Variants in TCTN2 observed in about 807,000 individuals in gnomAD.
TCTN2 encodes the protein tectonic-2.
A neutral mutation model predicts 83.4 loss-of-function variants in TCTN2; 66 were observed. The observed-to-expected ratio is 0.79, with a 90% confidence interval of 0.65 to 0.97. The LOEUF (loss-of-function observed/expected upper bound fraction) is 0.97. Among genes scored for constraint, TCTN2 ranks in the 50% least tolerant of loss-of-function variants. The pLI is 0.00. For missense variants in TCTN2, 794 were observed against 858.1 expected (o/e 0.93, Z 0.93); for synonymous variants, 301 against 326.7 (o/e 0.92, Z 0.85).
chr12:123,683,871 C>T (rs745430953), intron 5 of TCTN2, among the ~76,000 whole-genome samples: 1 of 152,130 alleles, frequency 6.6e-6, no homozygotes, highest in Non-Finnish European at 1.5e-5. Context: ...GATCTCCTGA[C>T]CTCGTGATCC....
intron 5 of TCTN2, among the ~76,000 whole-genome samples, chr12:123,684,399 CTTTTTTTTTTT>C (rs528065302): frequency 1.6e-5 from 2 of 127,808 alleles, no homozygotes; most frequent in African/African-American, 5.8e-5. Flanking sequence ...TATTGTCATT[CTTTTTTTTTTT>C]TTTTTTTTAA....
Position 123,697,153 on chromosome 12 carries a change from G to A in TCTN2, c.1460G>A (p.Gly487Glu). Residue 487 changes from glycine to glutamate, a missense_variant, in exon 13 of 18, where the codon GGA (glycine) becomes GAA (glutamate). Gly to Glu is a moderately conservative substitution (Grantham distance 98, BLOSUM62 -2). Coordinates refer to ENST00000303372, the MANE Select transcript of TCTN2 (RefSeq NM_024809.5). Reference protein sequence around the residue: ...PILFGENVLSGCLLEVGINEN... With the variant: ...PILFGENVLSECLLEVGINEN... The stretch of plus-strand genomic sequence containing the variant: ...TTATTTGGAGAAAATGTACTCTCTG[G>A]ATGCCTGTTAGAAGTCGGGATTAAT... 1 of 1,614,066 alleles carries A rather than the reference G, an allele frequency of 6.2e-7. No individual in the cohort carries two copies. Among genetic ancestry groups the A allele is most frequent in the Non-Finnish European group, 8.5e-7 (1 of 1,179,978 alleles).
At chr12:123,706,651 C>T (rs1956232825) in intron 15 of TCTN2, 75 bp from the exon 16 acceptor site, 1 of 1,607,304 alleles carries the variant, frequency 6.2e-7, no homozygotes, top group African/African-American at 1.3e-5. Context: ...ATTGTGATTG[C>T]ATCCGTTACC....
At chr12:123,696,186 T>TA (rs1956106198) in intron 11 of TCTN2, 2 of 513,618 alleles carry the variant, frequency 3.9e-6, no homozygotes, top group Admixed American at 3.3e-5. Context: ...TTTTTTTTTT[T>TA]ACATAGTCTG....
intron 9 of TCTN2, among the ~76,000 whole-genome samples, chr12:123,693,468 T>TTTC (rs1566256470): frequency 7.0e-6 from 1 of 141,904 alleles, no homozygotes. Flanking sequence ...TTTTTTTTTT[T>TTTC]TTGAGATGGA....
chr12:123,695,337 A>G (rs1956095043), intron 11 of TCTN2, 40 bp downstream of exon 11: 3 of 1,371,740 alleles, frequency 2.2e-6, no homozygotes, highest in Non-Finnish European at 2.1e-6. Context: ...TTACAAACAT[A>G]CTTTAGTTCA....
chr12:123,704,641 C>A lies in TCTN2; in HGVS notation c.1722C>A (p.Gly574=), dbSNP rs557018110. Residue 574 remains glycine (G), a synonymous_variant, in exon 15 of 18, where the codon GGC becomes GGA. Coordinates refer to ENST00000303372, the MANE Select transcript of TCTN2 (RefSeq NM_024809.5). Reference sequence around the variant, plus strand: ...TCCGCATCCTCATCTCGGATGCTGGCGCGGTGGAAGGGATTACTCAGCAGG... The same window carrying A: ...TCCGCATCCTCATCTCGGATGCTGGAGCGGTGGAAGGGATTACTCAGCAGG... The part of the protein sequence containing the change: ...LSIRILISDA[G]AVEGITQQEI... 2.5e-6 allele frequency: 4 copies of A among 1,612,658 alleles called. No individual in the cohort carries two copies. The highest frequency in any genetic ancestry group is 3.4e-6 in the Non-Finnish European group (4 of 1,179,808).
intron 17 of TCTN2, chr12:123,707,376 A>G: frequency 1.6e-6 from 1 of 631,724 alleles, no homozygotes. Context: ...CCTTTGGAGT[A>G]GCTGGGATTA....
intron 8 of TCTN2, among the ~76,000 whole-genome samples, chr12:123,691,169 A>G (rs1956036481): frequency 6.6e-6 from 1 of 152,188 alleles, no homozygotes; most frequent in South Asian, 2.1e-4. Context: ...GCGTCCCACC[A>G]GAATTAACCC....
intron 4 of TCTN2, among the ~76,000 whole-genome samples, chr12:123,676,566 TAAAAAAAAA>T (rs60100973): frequency 1.8e-4 from 11 of 60,698 alleles, no homozygotes; most frequent in African/African-American, 2.5e-4. Context: ...AGACTCCATC[TAAAAAAAAA>T]AAAAAAAAAA....
chr12:123,688,883 A>G (rs1224009045), intron 7 of TCTN2, among the ~76,000 whole-genome samples: 1 of 151,870 alleles, frequency 6.6e-6, no homozygotes, highest in Non-Finnish European at 1.5e-5. Context: ...AGCTTTCCCA[A>G]GTAGCTGGGA....
rs765238420 is a variant in TCTN2, at chr12:123,706,828, A to G, written c.1872A>G (p.Ala624=). 5.0e-6 allele frequency: 8 copies of G among 1,614,032 alleles called. No individual in the cohort carries two copies. In the East Asian group the frequency reaches 8.9e-5, roughly 18 times the overall value. ...SASVQFIKIP[A]QLPHPLTRFQ... Reference sequence around the variant, plus strand: ...CCGTCCAGTTTATTAAAATTCCTGCACAGTTACCCCACCCCCTGACAAGGT... The same window carrying G: ...CCGTCCAGTTTATTAAAATTCCTGCGCAGTTACCCCACCCCCTGACAAGGT... Residue 624 remains alanine (A), a synonymous_variant, in exon 16 of 18, where the codon GCA becomes GCG. Coordinates refer to ENST00000303372, the MANE Select transcript of TCTN2 (RefSeq NM_024809.5).
chr12:123,698,551 C>T (rs1662081310), intron 13 of TCTN2, among the ~76,000 whole-genome samples: 1 of 152,034 alleles, frequency 6.6e-6, no homozygotes, highest in South Asian at 2.1e-4. Context: ...GATCCTCCCA[C>T]TTCACCCTCC....
chr12:123,674,832 T>TG, intron 4 of TCTN2, among the ~76,000 whole-genome samples: 1 of 152,300 alleles, frequency 6.6e-6, no homozygotes, highest in African/African-American at 2.4e-5. Context: ...TTGAGGCTGA[T>TG]GAAGTTTACA....
At position 123,671,226 on chromosome 12, in the gene TCTN2, C is replaced by T. The variant is rs575728856; in HGVS notation, c.-15C>T. On this transcript the variant is annotated 5_prime_UTR_variant, in exon 1 of 18. Transcript: ENST00000303372. ...GGGCGCGGTTCTGCTGTGCCCGGCC[C>T]GCGAGGTCTAAGGCATGGGCTTCCA... The T allele has an allele frequency of 3.4e-5, 55 of 1,610,070 alleles. No individual in the cohort carries two copies. The East Asian group carries it at 1.1e-3, about 33-fold the overall frequency.
At chr12:123,698,130 C>T (rs1956132163) in intron 13 of TCTN2, among the ~76,000 whole-genome samples, 1 of 152,050 alleles carries the variant, frequency 6.6e-6, no homozygotes, top group Non-Finnish European at 1.5e-5. Flanking sequence ...GCAGCCTCTG[C>T]CTCCCAGGTT....
chr12:123,704,404 C>T, intron 14 of TCTN2, 128 bp from the exon 15 acceptor site: 1 of 924,146 alleles, frequency 1.1e-6, no homozygotes, highest in African/African-American at 1.6e-5. Flanking sequence ...TAACTAGAGC[C>T]TGTAAGAGAC....
chr12:123,707,342 G>A (rs1260614975), intron 17 of TCTN2: 1 of 614,906 alleles, frequency 1.6e-6, no homozygotes, highest in Non-Finnish European at 2.9e-6. Flanking sequence ...TGCCTCCTGG[G>A]TTCAGACAAC....
chr12:123,697,656 C>T (rs1389287915), intron 13 of TCTN2, among the ~76,000 whole-genome samples: 2 of 151,760 alleles, frequency 1.3e-5, no homozygotes, highest in Admixed American at 6.6e-5. Context: ...TGCACCACCA[C>T]GCCTGCTGAT....
Sources: allele counts gnomAD v4.1 joint callset (sites outside exome capture counted in the v4.1 genomes callset), GRCh38; gene constraint gnomAD v4.1.1; transcripts MANE v1.5; gene names NCBI Gene and HGNC (gene_info 2026-07-23, HGNC 2026-07-21).